Variants in SMPD2 observed in about 807,000 individuals in gnomAD.
SMPD2 encodes N-SMase.
Under a neutral mutation model 41.7 loss-of-function variants are expected in SMPD2, and 35 were observed. The observed-to-expected ratio is 0.84, with a 90% CI of 0.64 to 1.11. The LOEUF (loss-of-function observed/expected upper bound fraction) is 1.11, where lower values mean the gene tolerates loss of function less well. SMPD2 is among the 50% of genes most tolerant of loss of function. The pLI, the probability that SMPD2 is intolerant of heterozygous loss-of-function variation, is 0.00. For synonymous variants in SMPD2, 201 were observed against 208.2 expected, an observed-to-expected ratio of 0.97 and a Z score of 0.30; for missense variants, 520 against 524.8, an observed-to-expected ratio of 0.99 and a Z score of 0.09.
At chr6:109,442,688 G>A in intron 6 of SMPD2, 63 bp downstream of exon 6, 1 of 1,614,112 alleles carries the variant, frequency 6.2e-7, no homozygotes, top group Non-Finnish European at 8.5e-7. Context: ...GGTGAACAAG[G>A]CCCCAGTCAT....
At position 109,443,007 on chromosome 6, in the gene SMPD2, A is replaced by T. The variant is rs761908038; in HGVS notation, c.655A>T (p.Lys219Ter). The T allele has an allele frequency of 3.7e-6, 6 of 1,614,100 alleles. No homozygotes were observed. In the South Asian group the frequency reaches 6.6e-5, roughly 18 times the overall value. ...GSEEGNTMVP[K>*]NCYVSQQELK... ...TGAGGAAGGCAACACAATGGTACCC[A>T]AGAACTGCTACGTCAGCCAGCAGGA... The change falls in exon 8 of 10, where the codon AAG becomes TAG. Residue 219 changes from lysine (K) to a stop codon, truncating the protein, a stop_gained. Transcript: ENST00000258052. LOFTEE classifies it high-confidence loss of function.
At chr6:109,442,938 T>C (rs2115318182) in intron 7 of SMPD2, 39 bp from the exon 8 acceptor site, 10 of 1,610,718 alleles carry the variant, frequency 6.2e-6, no homozygotes, top group Non-Finnish European at 8.5e-6. Flanking sequence ...TCTCCCTCCT[T>C]CTCCCCCACA....
At position 109,443,284 on chromosome 6, in the gene SMPD2, C is replaced by G. The variant is rs749294093; in HGVS notation, c.747C>G (p.Tyr249Ter). ...YVLYKAVSGF[Y>*]ISCKSFETTT... The stretch of plus-strand genomic sequence containing the variant: ...TTTCCTAGGCAGTTTCTGGGTTTTA[C>G]ATCTCCTGTAAGAGTTTTGAAACCA... Residue 249 changes from tyrosine (Y) to a stop codon, truncating the protein, a stop_gained, in exon 9 of 10, where the codon TAC becomes TAG. Transcript: ENST00000258052. LOFTEE classifies it high-confidence loss of function. 1 of 1,614,030 alleles carries G rather than the reference C, an allele frequency of 6.2e-7. No individual in the cohort carries two copies. The highest frequency in any genetic ancestry group is 1.7e-5 in the Admixed American group (1 of 60,006).
rs143967744 is a variant in SMPD2 at position 109,442,839 on chromosome 6, G to T, written c.579G>T (p.Glu193Asp). ...PEDLGCCLLK[E>D]WTGLHDAYLE... ...ACCTGGGCTGCTGCCTGCTGAAGGA[G>T]TGGACAGGGCTTCATGATGCCTATC... Residue 193 changes from glutamate (E) to aspartate (D), a missense_variant, in exon 7 of 10, where the codon GAG (glutamate) becomes GAT (aspartate). Physicochemically the swap from Glu to Asp is conservative, Grantham distance 45. Transcript: ENST00000258052. 6.2e-7 allele frequency: 1 copy of T among 1,614,044 alleles called. No homozygotes were observed. Among genetic ancestry groups the T allele is most frequent in the Admixed American group, 1.7e-5 (1 of 60,010 alleles).
chr6:109,441,222 A>G (rs1167589989), intron 1 of SMPD2, 51 bp downstream of exon 1: 2 of 1,608,494 alleles, frequency 1.2e-6, no homozygotes, highest in African/African-American at 1.3e-5. Context: ...GTTCGCACCC[A>G]TGCAGCCTTC....
chr6:109,443,590 G>A lies in SMPD2; in HGVS notation c.957G>A (p.Gln319=). ...CGGAGCTGGGTCTGGGCATGGCTCAGGCTCGCTGGTGGGCCACCTTCGCTA... is the reference window on the plus strand; with the variant it reads ...CGGAGCTGGGTCTGGGCATGGCTCAAGCTCGCTGGTGGGCCACCTTCGCTA... ...AWTELGLGMA[Q]ARWWATFASY... The change falls in exon 10 of 10, where the codon CAG becomes CAA. Residue 319 remains glutamine (Q), a synonymous_variant. Coordinates refer to ENST00000258052, the MANE Select transcript of SMPD2 (RefSeq NM_003080.3). The A allele has an allele frequency of 2.5e-6, 4 of 1,613,946 alleles. No homozygotes were observed. Among genetic ancestry groups the A allele is most frequent in the Non-Finnish European group, 3.4e-6 (4 of 1,180,026 alleles).
chr6:109,443,676 G>A lies in SMPD2; in HGVS notation c.1043G>A (p.Gly348Glu), dbSNP rs1403633075. 1 of 1,613,896 alleles carries A rather than the reference G, an allele frequency of 6.2e-7. No homozygotes were observed. ...CTGCTGTGTGTCCTGGCGGCTGGAG[G>A]AGGGGCCGGGGAAGCTGCCATACTG... is the stretch of plus-strand genomic sequence containing the variant. ...LALLCVLAAG[G>E]GAGEAAILLW... Residue 348 changes from glycine (G) to glutamate (E), a missense_variant, in exon 10 of 10, where the codon GGA becomes GAA. Physicochemically the swap from Gly to Glu is moderately conservative, Grantham distance 98. Coordinates refer to ENST00000258052, the MANE Select transcript of SMPD2 (RefSeq NM_003080.3).
Position 109,440,797 on chromosome 6 carries a change from A to T in SMPD2, c.-325A>T, listed in dbSNP as rs1389636055. 2 of 354,598 alleles carry T rather than the reference A, an allele frequency of 5.6e-6. No homozygotes were observed. Among genetic ancestry groups the T allele is most frequent in the Non-Finnish European group, 9.6e-6 (2 of 207,498 alleles). 22.0% of individuals were successfully genotyped at this position (354,598 alleles called of 1,614,324 possible). A position where few individuals can be genotyped will look rare whatever the true frequency, so the allele number is the denominator to read the frequency against. Reference sequence around the variant, plus strand: ...ACCGCCGGGGACGAGCTTGGAGGAAAAGGAACCGGGAGCCGCCCACCCGGG... The same window carrying T: ...ACCGCCGGGGACGAGCTTGGAGGAATAGGAACCGGGAGCCGCCCACCCGGG... On this transcript the variant is annotated 5_prime_UTR_variant, in exon 1 of 10. Transcript: ENST00000258052.
rs1415035088 is a variant in SMPD2 at position 109,443,672 on chromosome 6, G to A, written c.1039G>A (p.Gly347Arg). The A allele has an allele frequency of 6.3e-7, 1 of 1,589,494 alleles. No individual in the cohort carries two copies. The highest frequency in any genetic ancestry group is 8.5e-7 in the Non-Finnish European group (1 of 1,178,928). ...LLALLCVLAA[G>R]GGAGEAAILL... ...GGCACTGCTGTGTGTCCTGGCGGCTGGAGGAGGGGCCGGGGAAGCTGCCAT... is the reference window on the plus strand; with the variant it reads ...GGCACTGCTGTGTGTCCTGGCGGCTAGAGGAGGGGCCGGGGAAGCTGCCAT... The change falls in exon 10 of 10, where the codon GGA (glycine) becomes AGA (arginine). Residue 347 changes from glycine to arginine, a missense_variant. Physicochemically the swap from Gly to Arg is moderately radical, Grantham distance 125. Coordinates refer to ENST00000258052, the MANE Select transcript of SMPD2 (RefSeq NM_003080.3).
rs559794242 is a variant in SMPD2 at position 109,441,333 on chromosome 6, C to T, written c.51-24C>T. On this transcript the variant is annotated intron_variant, in intron 1 of 9. Coordinates refer to ENST00000258052, the MANE Select transcript of SMPD2 (RefSeq NM_003080.3). ...CCGGTGGTCCCAGCAGTCGCCTCCC[C>T]TGCCCCGCTCTTCCCTTCCTTAGGG... 5.0e-6 allele frequency: 8 copies of T among 1,609,014 alleles called. No individual in the cohort carries two copies. In the South Asian group the frequency reaches 5.5e-5, roughly 11 times the overall value.
At chr6:109,443,102 A>G (rs1490656587) in intron 8 of SMPD2, 21 bp downstream of exon 8, 13 of 1,584,142 alleles carry the variant, frequency 8.2e-6, no homozygotes, top group South Asian at 1.1e-5. Context: ...TCCCTTCAAC[A>G]TGCTTTCATA....
In SMPD2 at chr6:109,443,066, C is replaced by G. The variant is rs1350416367; in HGVS notation, c.714C>G (p.Asp238Glu). The change falls in exon 8 of 10, where the codon GAC (aspartate) becomes GAG (glutamate). Residue 238 changes from aspartate to glutamate, a missense_variant. By Grantham distance (45) the Asp-to-Glu change is conservative (BLOSUM62 2). Coordinates refer to ENST00000258052, the MANE Select transcript of SMPD2 (RefSeq NM_003080.3). ...CATTTCCCTTTGGTGTCCGCATTGA[C>G]TACGTGCTTTACAAGGTCAGGCTCC... ...LKPFPFGVRI[D>E]YVLYKAVSGF... 1 of 1,613,872 alleles carries G rather than the reference C, an allele frequency of 6.2e-7. No individual in the cohort carries two copies. The highest frequency in any genetic ancestry group is 8.5e-7 in the Non-Finnish European group (1 of 1,179,730).
At chr6:109,441,757 G>A in intron 3 of SMPD2, 129 bp downstream of exon 3, 1 of 985,018 alleles carries the variant, frequency 1.0e-6, no homozygotes, top group Non-Finnish European at 1.6e-6. Context: ...GAGAGAAGGA[G>A]AAGGGTGAAC....
Position 109,442,988 on chromosome 6 carries a change from A to T in SMPD2, c.636A>T (p.Glu212Asp). The change falls in exon 8 of 10, where the codon GAA becomes GAT. Residue 212 changes from glutamate (E) to aspartate (D), a missense_variant. Glu to Asp is a conservative substitution (Grantham distance 45). Coordinates refer to ENST00000258052, the MANE Select transcript of SMPD2 (RefSeq NM_003080.3). ...AATGATTCCCTTAGGGCTCTGAGGA[A>T]GGCAACACAATGGTACCCAAGAACT... ...LETRDFKGSE[E>D]GNTMVPKNCY... 1 of 1,614,150 alleles carries T rather than the reference A, an allele frequency of 6.2e-7. No homozygotes were observed. Among genetic ancestry groups the T allele is most frequent in the Non-Finnish European group, 8.5e-7 (1 of 1,179,994 alleles).
chr6:109,441,935 C>G (rs1456418299), intron 3 of SMPD2, 39 bp from the exon 4 acceptor site: 1 of 1,574,598 alleles, frequency 6.4e-7, no homozygotes, highest in Non-Finnish European at 8.7e-7. Flanking sequence ...GGGTGTCTCT[C>G]CCTGTTTTTC....
At chr6:109,442,491 T>C in intron 5 of SMPD2, 52 bp from the exon 6 acceptor site, 2 of 1,518,566 alleles carry the variant, frequency 1.3e-6, no homozygotes, top group Non-Finnish European at 1.8e-6. Flanking sequence ...GATTCAGACA[T>C]ACCCCTGGGA....
chr6:109,442,017 A>T lies in SMPD2; in HGVS notation c.268A>T (p.Ile90Phe). ...CCTCTGTGTCTTCTCCAAACATCCA[A>T]TCCAGGAGCTTACCCAGCACATCTA... ...SGLCVFSKHP[I>F]QELTQHIYTL... Residue 90 changes from isoleucine (I) to phenylalanine (F), a missense_variant, in exon 4 of 10, where the codon ATC becomes TTC. Coordinates refer to ENST00000258052, the MANE Select transcript of SMPD2 (RefSeq NM_003080.3). 6.2e-7 allele frequency: 1 copy of T among 1,614,158 alleles called. No individual in the cohort carries two copies. The highest frequency in any genetic ancestry group is 8.5e-7 in the Non-Finnish European group (1 of 1,180,016).
intron 9 of SMPD2, 34 bp from the exon 10 acceptor site, chr6:109,443,483 C>G (rs1184960918): frequency 6.2e-7 from 1 of 1,608,422 alleles, no homozygotes; most frequent in Non-Finnish European, 8.5e-7. Context: ...CCACTCTTGA[C>G]TCTCTCCTGC....
chr6:109,442,057 AC>A lies in SMPD2; in HGVS notation c.312del (p.Tyr105ThrfsTer2), dbSNP rs768176047. On this transcript the variant is annotated frameshift_variant, in exon 4 of 10. Transcript: ENST00000258052. LOFTEE classifies it high-confidence loss of function. ...CAGCACATCTACACTCTCAATGGCT[AC>A]CCCTACATGGTAAGGCAGACCTTTG... Reference protein sequence around the residue: ...LTQHIYTLNGYPYMIHHGDWF... With the variant: ...LTQHIYTLNGXPYMIHHGDWF... 4.5e-5 allele frequency: 73 copies of A among 1,612,264 alleles called. No homozygotes were observed. The highest frequency in any genetic ancestry group is 6.1e-5 in the Non-Finnish European group (72 of 1,178,304).
Sources: allele counts gnomAD v4.1 joint callset, GRCh38; gene constraint gnomAD v4.1.1; transcripts MANE v1.5; gene names NCBI Gene and HGNC (gene_info 2026-07-23, HGNC 2026-07-21).